MEI4: variants seen among roughly 807,000 people sequenced by gnomAD.
MEI4 encodes the protein meiosis-specific protein MEI4.
Under a neutral mutation model 31.4 loss-of-function variants are expected in MEI4, and 27 were observed. That is an observed-to-expected ratio of 0.86 (90% CI 0.63 to 1.19). The LOEUF is 1.19. Ranked by LOEUF, MEI4 falls within the 50% of genes most tolerant of loss-of-function variation. The pLI is 0.00. For synonymous variants in MEI4, 122 were observed against 145.4 expected, an observed-to-expected ratio of 0.84 and a Z score of 1.16; for missense variants, 329 against 398.9, an observed-to-expected ratio of 0.82 and a Z score of 1.49.
At chr6:77,908,408 C>T (rs966569829) in intron 4 of MEI4, among the ~76,000 whole-genome samples, 6 of 152,064 alleles carry the variant, frequency 3.9e-5, no homozygotes, top group African/African-American at 7.2e-5. Flanking sequence ...AATAGGGAAT[C>T]GTTTCCCCAT....
At chr6:77,828,596 T>A (rs1168230528) in intron 3 of MEI4, among the ~76,000 whole-genome samples, 1 of 152,156 alleles carries the variant, frequency 6.6e-6, no homozygotes, top group Non-Finnish European at 1.5e-5. Flanking sequence ...ATCTGGCTAA[T>A]CTATCTAAAA....
intron 2 of MEI4, among the ~76,000 whole-genome samples, chr6:77,701,907 C>T (rs1766232996): frequency 6.6e-6 from 1 of 152,104 alleles, no homozygotes; most frequent in Non-Finnish European, 1.5e-5. Context: ...GAGAAACAAC[C>T]AACCCAGCCA....
chr6:77,798,032 A>G (rs1379495017), intron 3 of MEI4, among the ~76,000 whole-genome samples: 3 of 152,166 alleles, frequency 2.0e-5, no homozygotes, highest in African/African-American at 7.2e-5. Context: ...TAATAATAGT[A>G]AAAGATAGGA....
At chr6:77,811,752 C>T (rs12173558) in intron 3 of MEI4, among the ~76,000 whole-genome samples, 20 of 145,786 alleles carry the variant, frequency 1.4e-4, no homozygotes, top group Admixed American at 4.2e-4. Context: ...TCCAGACTGG[C>T]GACAAAGTGA....
chr6:77,883,782 TG>T (rs1286343007), intron 4 of MEI4, among the ~76,000 whole-genome samples: 1 of 122,648 alleles, frequency 8.2e-6, no homozygotes, highest in African/African-American at 3.2e-5. Context: ...GTGGACAGTT[TG>T]TTTTTTTTCC....
intron 2 of MEI4, among the ~76,000 whole-genome samples, chr6:77,741,616 T>A (rs928265939): frequency 5.3e-5 from 8 of 152,102 alleles, no homozygotes; most frequent in African/African-American, 1.9e-4. Context: ...TGTGTGTTTT[T>A]TAATTTTAAT....
intron 4 of MEI4, among the ~76,000 whole-genome samples, chr6:77,888,214 C>T (rs185027980): frequency 1.3e-4 from 20 of 152,144 alleles, no homozygotes; most frequent in Admixed American, 1.2e-3. Flanking sequence ...ATCAATTCAG[C>T]CAGGCTATAT....
intron 1 of MEI4, among the ~76,000 whole-genome samples, chr6:77,656,723 A>G (rs532644705): frequency 2.6e-5 from 4 of 152,292 alleles, no homozygotes; most frequent in African/African-American, 9.6e-5. Flanking sequence ...TTTCTCATAG[A>G]TATGGCTCTA....
chr6:77,707,243 C>T (rs1206868554), intron 2 of MEI4, among the ~76,000 whole-genome samples: 1 of 152,102 alleles, frequency 6.6e-6, no homozygotes, highest in Non-Finnish European at 1.5e-5. Context: ...ACTTTATACC[C>T]TAGCAAAGAA....
chr6:77,796,324 C>G (rs1466727129), intron 3 of MEI4, among the ~76,000 whole-genome samples: 1 of 152,086 alleles, frequency 6.6e-6, no homozygotes, highest in African/African-American at 2.4e-5. Context: ...GGTGCCCACT[C>G]AGAACACTTC....
intron 3 of MEI4, among the ~76,000 whole-genome samples, chr6:77,786,789 C>T (rs1240975390): frequency 6.6e-6 from 1 of 151,796 alleles, no homozygotes; most frequent in Admixed American, 6.6e-5. Context: ...AAAAAAATTT[C>T]ATTGACAATA....
chr6:77,789,037 T>A (rs1227063461), intron 3 of MEI4, among the ~76,000 whole-genome samples: 1 of 152,174 alleles, frequency 6.6e-6, no homozygotes, highest in Non-Finnish European at 1.5e-5. Flanking sequence ...AATAGCATGG[T>A]ACTGGTACCA....
chr6:77,889,199 G>C (rs1009667336), intron 4 of MEI4, among the ~76,000 whole-genome samples: 2 of 152,150 alleles, frequency 1.3e-5, no homozygotes, highest in African/African-American at 4.8e-5. Context: ...AGCAACTTTG[G>C]AACTGGGTAA....
intron 3 of MEI4, among the ~76,000 whole-genome samples, chr6:77,771,187 A>T (rs1768307406): frequency 6.6e-6 from 1 of 152,208 alleles, no homozygotes; most frequent in Admixed American, 6.5e-5. Flanking sequence ...TATGAAAAAA[A>T]TGCTCAACAT....
At chr6:77,793,069 T>A (rs1768981469) in intron 3 of MEI4, among the ~76,000 whole-genome samples, 1 of 152,182 alleles carries the variant, frequency 6.6e-6, no homozygotes, top group Non-Finnish European at 1.5e-5. Context: ...TAATAGCAAC[T>A]TTATTGAAAA....
intron 1 of MEI4, among the ~76,000 whole-genome samples, chr6:77,680,128 A>AAAAAAAAAAAAAAAAAAAT (rs1247876878): frequency 1.1e-4 from 13 of 115,576 alleles, no homozygotes; most frequent in Middle Eastern, 4.6e-3. Context: ...AAAAAAAAAA[A>AAAAAAAAAAAAAAAAAAAT]ATTAGCTGGG....
At chr6:77,695,430 TA>T in intron 2 of MEI4, among the ~76,000 whole-genome samples, 1 of 152,336 alleles carries the variant, frequency 6.6e-6, no homozygotes, top group East Asian at 1.9e-4. Context: ...CATCTTGAAT[TA>T]ATTCTTGTAT....
chr6:77,858,393 T>C (rs138536669), intron 4 of MEI4, among the ~76,000 whole-genome samples: 140 of 152,270 alleles, frequency 9.2e-4, no homozygotes, highest in African/African-American at 2.9e-3. Context: ...CAAAAAATAA[T>C]TGCAATGCCA....
chr6:77,878,210 A>G (rs1297384224), intron 4 of MEI4, among the ~76,000 whole-genome samples: 1 of 140,430 alleles, frequency 7.1e-6, no homozygotes, highest in East Asian at 2.0e-4. Flanking sequence ...AATAAGTAAT[A>G]AGTAAATACA....
Sources: allele counts gnomAD v4.1 joint callset (sites outside exome capture counted in the v4.1 genomes callset), GRCh38; gene constraint gnomAD v4.1.1; transcripts MANE v1.5; gene names NCBI Gene and HGNC (gene_info 2026-07-23, HGNC 2026-07-21).